The following TAFA2 variants were observed in gnomAD, a reference collection of about 807,000 sequenced individuals.
TAFA2 encodes chemokine-like protein TAFA-2.
A neutral mutation model predicts 18.8 loss-of-function variants in TAFA2; 7 were observed. The ratio of observed to expected loss-of-function variants is 0.37; its 90% CI spans 0.21 to 0.70. TAFA2 has a LOEUF of 0.70. Ranked by LOEUF, TAFA2 falls within the 30% of genes least tolerant of loss-of-function variation. TAFA2 has a pLI of 0.53. For missense variants in TAFA2, 122 were observed against 158.1 expected, an observed-to-expected ratio of 0.77 and a Z score of 1.23; for synonymous variants, 60 against 54.2, an observed-to-expected ratio of 1.11 and a Z score of -0.47.
chr12:61,845,271 G>A (rs1873355583), intron 2 of TAFA2, among the ~76,000 whole-genome samples: 1 of 151,938 alleles, frequency 6.6e-6, no homozygotes, highest in African/African-American at 2.4e-5. Flanking sequence ...CATCCAAGAA[G>A]ACTATTGAAC....
rs1200412856 is a variant in TAFA2 at position 61,943,862 on chromosome 12, T to C, written c.-1-76436A>G. Among the ~76,000 whole-genome samples the C allele has an allele frequency of 2.3e-4, 31 of 132,240 alleles. 1 individual carries two copies. The highest frequency in any genetic ancestry group is 8.6e-4 in the African/African-American group (29 of 33,866). 86.8% of individuals were successfully genotyped at this position (132,240 alleles called of 152,430 possible). ...TCCCACACATTAATAATGGGAGACT[T>C]TAACACCCCACTGTCAACATTAGAC... is the stretch of plus-strand genomic sequence containing the variant. On this transcript the variant is annotated intron_variant, in intron 1 of 4. Coordinates refer to ENST00000416284, the MANE Select transcript of TAFA2 (RefSeq NM_178539.5).
intron 2 of TAFA2, among the ~76,000 whole-genome samples, chr12:61,777,150 C>A (rs1339794788): frequency 6.6e-6 from 1 of 151,788 alleles, no homozygotes; most frequent in Non-Finnish European, 1.5e-5. Context: ...TCCAGCAAAA[C>A]CAATTAATGA....
At chr12:61,892,549 T>G (rs1038612421) in intron 1 of TAFA2, among the ~76,000 whole-genome samples, 6 of 152,210 alleles carry the variant, frequency 3.9e-5, no homozygotes, top group Non-Finnish European at 8.8e-5. Flanking sequence ...TACTAAAGTA[T>G]GTCCTGGCTG....
At position 61,754,978 on chromosome 12, in the gene TAFA2, T is replaced by C. The variant is rs1191537330; in HGVS notation, c.153A>G (p.Arg51=). The change falls in exon 3 of 5, where the codon AGA becomes AGG. Residue 51 remains arginine (R), a synonymous_variant. Transcript: ENST00000416284. The part of the protein sequence containing the change: ...TGTCEVVALH[R]CCNKNKIEER... ...CTTCTATCTTGTTCTTATTACAGCA[T>C]CTGTGGAGTGCCACCACCTCACAAG... 2 of 1,612,988 alleles carry C rather than the reference T, an allele frequency of 1.2e-6. No individual in the cohort carries two copies. Among genetic ancestry groups the C allele is most frequent in the Non-Finnish European group, 1.7e-6 (2 of 1,179,382 alleles).
chr12:62,077,742 T>C (rs1238160416), intron 1 of TAFA2, among the ~76,000 whole-genome samples: 1 of 152,162 alleles, frequency 6.6e-6, no homozygotes, highest in Non-Finnish European at 1.5e-5. Context: ...CTTTTCTTAT[T>C]ATGCCATGTA....
intron 2 of TAFA2, among the ~76,000 whole-genome samples, chr12:61,789,703 A>G (rs189044386): frequency 6.6e-6 from 1 of 151,978 alleles, no homozygotes; most frequent in Admixed American, 6.6e-5. Context: ...AAAAAATAAA[A>G]ATAATTATAG....
chr12:61,826,917 GA>G (rs961371385), intron 2 of TAFA2, among the ~76,000 whole-genome samples: 4 of 152,034 alleles, frequency 2.6e-5, no homozygotes, highest in African/African-American at 4.8e-5. Flanking sequence ...ACAAATATCA[GA>G]AAAAAATTAC....
chr12:61,859,281 C>G (rs549083687), intron 2 of TAFA2, among the ~76,000 whole-genome samples: 3 of 152,170 alleles, frequency 2.0e-5, no homozygotes, highest in Non-Finnish European at 4.4e-5. Flanking sequence ...GAGACTCACT[C>G]ATTACCACCA....
chr12:62,170,334 A>C (rs2062469170), intron 1 of TAFA2, among the ~76,000 whole-genome samples: 1 of 152,230 alleles, frequency 6.6e-6, no homozygotes, highest in Admixed American at 6.5e-5. Context: ...GACTTGAGGC[A>C]ATCTCTTTGA....
At chr12:62,171,748 T>A (rs1442545332) in intron 1 of TAFA2, among the ~76,000 whole-genome samples, 1 of 152,186 alleles carries the variant, frequency 6.6e-6, no homozygotes, top group Non-Finnish European at 1.5e-5. Flanking sequence ...AGCTACCAGT[T>A]TATGTTATTT....
chr12:62,052,721 G>C (rs1036364155), intron 1 of TAFA2, among the ~76,000 whole-genome samples: 3 of 151,836 alleles, frequency 2.0e-5, no homozygotes, highest in African/African-American at 7.3e-5. Flanking sequence ...AGAACTTCAG[G>C]GTCTGAGCCG....
rs147243153 is a variant in TAFA2, at chr12:61,939,147, G to C, written c.-1-71721C>G. Among the ~76,000 whole-genome samples the C allele has an allele frequency of 4.0e-3, 611 of 152,256 alleles. 11 individuals carry two copies. The highest frequency in any genetic ancestry group is 3.0e-3 in the Non-Finnish European group (202 of 68,030). On this transcript the variant is annotated intron_variant, in intron 1 of 4. Coordinates refer to ENST00000416284, the MANE Select transcript of TAFA2 (RefSeq NM_178539.5). The stretch of plus-strand genomic sequence containing the variant: ...CTAGAAGTTAAACTGCCAAAGAATA[G>C]TAGATGCATTTAAGTTTTTCAATGG...
intron 2 of TAFA2, among the ~76,000 whole-genome samples, chr12:61,866,187 A>G (rs1052539308): frequency 2.6e-5 from 4 of 152,200 alleles, no homozygotes; most frequent in African/African-American, 9.7e-5. Flanking sequence ...AGAAAACAGG[A>G]TAACGAAATA....
At chr12:61,874,685 C>T (rs576007417) in intron 1 of TAFA2, among the ~76,000 whole-genome samples, 2 of 152,188 alleles carry the variant, frequency 1.3e-5, no homozygotes, top group Middle Eastern at 3.4e-3. Context: ...TAAATGATTT[C>T]TCCAGAAACA....
chr12:61,817,091 G>A (rs2121032836), intron 2 of TAFA2, among the ~76,000 whole-genome samples: 1 of 146,880 alleles, frequency 6.8e-6, no homozygotes, highest in Middle Eastern at 3.4e-3. Context: ...AATTGAGATG[G>A]CAATATATGA....
intron 1 of TAFA2, among the ~76,000 whole-genome samples, chr12:61,983,177 C>T (rs1437127861): frequency 6.6e-6 from 1 of 152,060 alleles, no homozygotes; most frequent in Non-Finnish European, 1.5e-5. Context: ...TATGGAACAT[C>T]CTATTTTCCT....
chr12:62,081,375 C>A (rs1441315645), intron 1 of TAFA2, among the ~76,000 whole-genome samples: 5 of 130,428 alleles, frequency 3.8e-5, no homozygotes, highest in African/African-American at 5.9e-5. Context: ...GTGGAAAAAA[C>A]CCTGAGTCTG....
At chr12:62,125,915 T>C (rs1457883355) in intron 1 of TAFA2, among the ~76,000 whole-genome samples, 1 of 152,048 alleles carries the variant, frequency 6.6e-6, no homozygotes, top group African/African-American at 2.4e-5. Flanking sequence ...GAGGCATTAT[T>C]TATAAAGAGT....
chr12:62,189,376 T>C (rs76332806), intron 1 of TAFA2, among the ~76,000 whole-genome samples: 8,281 of 152,248 alleles, frequency 0.054, 275 homozygotes, highest in African/African-American at 0.084. Context: ...TAAGCTCCAG[T>C]GTGGTAACTG....
Sources: allele counts gnomAD v4.1 joint callset (sites outside exome capture counted in the v4.1 genomes callset), GRCh38; gene constraint gnomAD v4.1.1; transcripts MANE v1.5; gene names NCBI Gene and HGNC (gene_info 2026-07-23, HGNC 2026-07-21).